Variants in TDP1 observed in about 807,000 individuals in gnomAD.
The protein encoded by TDP1 is tyrosyl-DNA phosphodiesterase 1.
Under a neutral mutation model 81.5 loss-of-function variants are expected in TDP1, and 64 were observed. That is an observed-to-expected ratio of 0.79 (90% confidence interval 0.64 to 0.97). The LOEUF is 0.97. Ranked by LOEUF, TDP1 falls within the 50% of genes least tolerant of loss-of-function variation. The pLI, the probability that TDP1 is intolerant of heterozygous loss-of-function variation, is 0.00. For synonymous variants in TDP1, 256 were observed against 264.3 expected, an observed-to-expected ratio of 0.97 and a Z score of 0.30; for missense variants, 723 against 743.8, an observed-to-expected ratio of 0.97 and a Z score of 0.33.
chr14:90,018,720 C>T (rs931569566), intron 14 of TDP1, among the ~76,000 whole-genome samples: 1 of 152,100 alleles, frequency 6.6e-6, no homozygotes. Context: ...GCTGGGATTA[C>T]AGGAGTGAGC....
At chr14:90,019,912 C>T (rs1010223320) in intron 15 of TDP1, among the ~76,000 whole-genome samples, 1 of 152,232 alleles carries the variant, frequency 6.6e-6, no homozygotes, top group Admixed American at 6.5e-5. Flanking sequence ...GTAGCACAAA[C>T]TGGGAAGCAG....
intron 16 of TDP1, among the ~76,000 whole-genome samples, chr14:90,034,923 A>T (rs1193027012): frequency 1.3e-5 from 2 of 152,198 alleles, no homozygotes; most frequent in African/African-American, 4.8e-5. Context: ...TTCATGGTGA[A>T]CCAAGCCTCC....
At chr14:90,018,057 G>C (rs1166706283) in intron 14 of TDP1, among the ~76,000 whole-genome samples, 1 of 148,668 alleles carries the variant, frequency 6.7e-6, no homozygotes, top group Non-Finnish European at 1.5e-5. Context: ...TGTTCCCATA[G>C]AACCCTTAAC....
At chr14:90,032,059 T>G (rs1273469339) in intron 15 of TDP1, among the ~76,000 whole-genome samples, 2 of 152,224 alleles carry the variant, frequency 1.3e-5, no homozygotes, top group Non-Finnish European at 2.9e-5. Flanking sequence ...TCTTGTACAC[T>G]CAGTGCCTGG....
In TDP1 at chr14:89,985,247, A is replaced by T. The variant is rs553756981; in HGVS notation, c.1131+37A>T. The T allele has an allele frequency of 5.0e-6, 6 of 1,204,520 alleles. No homozygotes were observed. In the African/African-American group the frequency reaches 6.2e-5, roughly 12 times the overall value. The allele number at this position is 1,204,520 out of a possible 1,614,324, so 74.6% of individuals were successfully genotyped here. A position where few individuals can be genotyped will look rare whatever the true frequency, so the allele number is the denominator to read the frequency against. On this transcript the variant is annotated intron_variant, in intron 10 of 16. Transcript: ENST00000335725. ...TTTACTATTTTAACATTTTTAAAAAATTTAATGTATATTCTCTCTTTTAAA... is the reference window on the plus strand; with the variant it reads ...TTTACTATTTTAACATTTTTAAAAATTTTAATGTATATTCTCTCTTTTAAA...
At chr14:89,975,162 G>T (rs1894136539) in intron 6 of TDP1, among the ~76,000 whole-genome samples, 1 of 152,144 alleles carries the variant, frequency 6.6e-6, no homozygotes, top group African/African-American at 2.4e-5. Flanking sequence ...TGCAAGCTCT[G>T]CCTCCTGGGT....
rs151252020 is a variant in TDP1 at position 90,007,360 on chromosome 14, C to T, written c.1542-11956C>T. Among the ~76,000 whole-genome samples the T allele has an allele frequency of 1.6e-3, 237 of 152,120 alleles. 1 individual carries two copies. Among genetic ancestry groups the T allele is most frequent in the African/African-American group, 5.0e-3 (209 of 41,486 alleles). On this transcript the variant is annotated intron_variant, in intron 14 of 16. Transcript: ENST00000335725. The stretch of plus-strand genomic sequence containing the variant: ...TCCCAGCACTTTAGGAAGCCAAGGC[C>T]GGTGGATCAGTTGAGACCAGGAGTT...
chr14:89,992,049 G>GT, intron 13 of TDP1, 66 bp downstream of exon 13: 2 of 1,379,924 alleles, frequency 1.4e-6, no homozygotes, highest in Admixed American at 1.8e-5. Context: ...TATGTCACTG[G>GT]TTTGTTTTTT....
At position 90,026,527 on chromosome 14, in the gene TDP1, T is replaced by C. The variant is rs1163950675; in HGVS notation, c.1645-6579T>C. Among the ~76,000 whole-genome samples, 4 of 152,310 alleles carry C rather than the reference T, an allele frequency of 2.6e-5. No homozygotes were observed. The East Asian group carries it at 5.8e-4, about 22-fold the overall frequency. On this transcript the variant is annotated intron_variant, in intron 15 of 16. Coordinates refer to ENST00000335725, the MANE Select transcript of TDP1 (RefSeq NM_018319.4). Reference sequence around the variant, plus strand: ...GCACAACGTGCAGGTTTGTTACATATGTATACATGTGCCATGTTGGTGTGC... The same window carrying C: ...GCACAACGTGCAGGTTTGTTACATACGTATACATGTGCCATGTTGGTGTGC...
intron 15 of TDP1, among the ~76,000 whole-genome samples, chr14:90,021,158 A>G (rs1001739854): frequency 6.6e-6 from 1 of 152,062 alleles, no homozygotes; most frequent in Non-Finnish European, 1.5e-5. Context: ...TGTTTCTCAC[A>G]CCGTGCTCAG....
In TDP1 at chr14:89,988,990, C is replaced by G. The variant is rs749867946; in HGVS notation, c.1217C>G (p.Ala406Gly). The G allele has an allele frequency of 3.1e-6, 5 of 1,614,146 alleles. No homozygotes were observed. The Admixed American group carries it at 5.0e-5, about 16-fold the overall frequency. The change falls in exon 11 of 17, where the codon GCC (alanine) becomes GGC (glycine). Residue 406 changes from alanine (A) to glycine (G), a missense_variant. Transcript: ENST00000335725. ...TTTTCAAGCGTTGGCTCCTTGGGAG[C>G]CGATGAATCAAAGTGGTTATGTTCT... Reference protein sequence around the residue: ...GQFSSVGSLGADESKWLCSEF... With the variant: ...GQFSSVGSLGGDESKWLCSEF...
chr14:89,992,267 A>G (rs922378844), intron 13 of TDP1, among the ~76,000 whole-genome samples: 2 of 152,250 alleles, frequency 1.3e-5, no homozygotes, highest in Non-Finnish European at 2.9e-5. Flanking sequence ...TAGAATTTAC[A>G]TAAGCAGCAT....
chr14:89,968,979 C>A lies in TDP1; in HGVS notation c.659+1557C>A, dbSNP rs533143383. On this transcript the variant is annotated intron_variant, in intron 5 of 16. Transcript: ENST00000335725. ...GACATTAATCCAGTATGACTAGTGT[C>A]CTTATAAAAAGAGAAATTTGGGTGC... Among the ~76,000 whole-genome samples the A allele has an allele frequency of 1.4e-4, 22 of 152,224 alleles. No homozygotes were observed. The South Asian group carries it at 2.3e-3, about 16-fold the overall frequency.
In TDP1 at chr14:90,041,483, C is replaced by T. The variant is rs183217595; in HGVS notation, c.1754-1587C>T. On this transcript the variant is annotated intron_variant, in intron 16 of 16. Transcript: ENST00000335725. ...ACCTATCCTGCTGGGTGCTGCTGTT[C>T]GTATGATGGCTCTGAACAAACCGTG... Among the ~76,000 whole-genome samples the T allele has an allele frequency of 9.2e-5, 14 of 152,292 alleles. No homozygotes were observed. In the East Asian group the frequency reaches 2.7e-3, roughly 29 times the overall value.
intron 6 of TDP1, chr14:89,975,353 G>A (rs1480552178): frequency 1.4e-5 from 14 of 965,694 alleles, no homozygotes; most frequent in Non-Finnish European, 1.6e-5. Context: ...TGGGATTACA[G>A]GCGTGAGCCA....
intron 15 of TDP1, among the ~76,000 whole-genome samples, chr14:90,032,166 G>A (rs943899011): frequency 7.1e-4 from 108 of 152,248 alleles, no homozygotes; most frequent in South Asian, 4.1e-4. Flanking sequence ...AAATGCCAGA[G>A]AAAAGTCTAG....
At chr14:90,025,708 C>T (rs1477176344) in intron 15 of TDP1, among the ~76,000 whole-genome samples, 1 of 152,178 alleles carries the variant, frequency 6.6e-6, no homozygotes, top group Non-Finnish European at 1.5e-5. Flanking sequence ...AATTAGACTA[C>T]GGTTCAGAAA....
intron 6 of TDP1, among the ~76,000 whole-genome samples, chr14:89,974,156 T>C (rs1373839177): frequency 6.6e-6 from 1 of 152,210 alleles, no homozygotes; most frequent in Non-Finnish European, 1.5e-5. Flanking sequence ...ACCTAATTTC[T>C]TTATCTTTGA....
Position 89,979,403 on chromosome 14 carries a change from A to G in TDP1, c.792-1137A>G, listed in dbSNP as rs112990388. 6.0e-3 allele frequency among the ~76,000 whole-genome samples: 900 copies of G among 150,942 alleles called. 6 individuals carry two copies. Among genetic ancestry groups the G allele is most frequent in the African/African-American group, 0.021 (864 of 41,018 alleles). On this transcript the variant is annotated intron_variant, in intron 7 of 16. Coordinates refer to ENST00000335725, the MANE Select transcript of TDP1 (RefSeq NM_018319.4). ...CGGCTCACTGCAACCTCCGCCTCCC[A>G]GCTTCAACTGATTCACCTGCCTCAG...
Sources: allele counts gnomAD v4.1 joint callset (sites outside exome capture counted in the v4.1 genomes callset), GRCh38; gene constraint gnomAD v4.1.1; transcripts MANE v1.5; gene names NCBI Gene and HGNC (gene_info 2026-07-23, HGNC 2026-07-21).